ATXN3: variants seen among roughly 807,000 people sequenced by gnomAD.
ATXN3 encodes the protein ataxin-3.
Under a neutral mutation model 58.2 loss-of-function variants are expected in ATXN3, and 28 were observed. That is an observed-to-expected ratio of 0.48 (90% CI 0.36 to 0.66). The LOEUF is 0.66. Ranked by LOEUF, ATXN3 falls within the 30% of genes least tolerant of loss-of-function variation. The pLI is 0.00. For synonymous variants in ATXN3, 113 were observed against 138.5 expected (o/e 0.82, Z 1.29); for missense variants, 321 against 422.1 (o/e 0.76, Z 2.10).
chr14:92,073,586 C>T (rs2059819835), intron 9 of ATXN3: 1 of 152,328 alleles, frequency 6.6e-6, no homozygotes, highest in Non-Finnish European at 1.5e-5. Flanking sequence ...TGCCTGTAAT[C>T]CCAGCACTTT....
At chr14:92,049,731 G>C (rs926794497) in exon 1 of ATXN3, 10 of 154,670 alleles carry the variant, frequency 6.5e-5, no homozygotes, top group African/African-American at 1.9e-4. Context: ...CCTGTCCCGG[G>C]TCTTCAGCAC....
In ATXN3 at chr14:92,083,274, A is replaced by C. The variant is rs769358179; in HGVS notation, c.476-16T>G. 3.1e-6 allele frequency: 5 copies of C among 1,590,822 alleles called. No individual in the cohort carries two copies. In the African/African-American group the frequency reaches 4.1e-5, roughly 13 times the overall value. On this transcript the variant is annotated splice_polypyrimidine_tract_variant and intron_variant, in intron 6 of 10. Transcript: ENST00000644486. ...ATAGAATAACCTAAAAAAAAAAGGC[A>C]AAAATCAACCTAACCAGTTAGTAAA...
intron 10 of ATXN3, among the ~76,000 whole-genome samples, chr14:92,067,108 T>C (rs2058592124): frequency 6.6e-6 from 1 of 151,888 alleles, no homozygotes; most frequent in Non-Finnish European, 1.5e-5. Context: ...AAATGTTGTA[T>C]GTACCCCTTC....
intron 6 of ATXN3, among the ~76,000 whole-genome samples, chr14:92,085,916 A>C (rs17127939): frequency 6.6e-6 from 1 of 152,052 alleles, no homozygotes; most frequent in Admixed American, 6.5e-5. Context: ...TGGTGGGCTG[A>C]AGGCCAAAGG....
intron 10 of ATXN3, among the ~76,000 whole-genome samples, chr14:92,066,024 C>T (rs1340926083): frequency 1.3e-5 from 2 of 151,874 alleles, no homozygotes; most frequent in East Asian, 3.9e-4. Flanking sequence ...AACTCCTGGG[C>T]TCAAGCAATC....
intron 3 of ATXN3, among the ~76,000 whole-genome samples, chr14:92,094,752 G>C (rs567003595): frequency 6.6e-6 from 1 of 152,342 alleles, no homozygotes; most frequent in South Asian, 2.1e-4. Context: ...GTGCAAGGTA[G>C]TGGGCACACA....
intron 10 of ATXN3, among the ~76,000 whole-genome samples, chr14:92,067,255 G>C (rs2140284332): frequency 6.6e-6 from 1 of 152,286 alleles, no homozygotes; most frequent in African/African-American, 2.4e-5. Context: ...GTCTCTGTGT[G>C]AACTTCTTTG....
downstream of ATXN3, among the ~76,000 whole-genome samples, chr14:92,057,069 A>C (rs113147278): frequency 5.3e-4 from 80 of 152,306 alleles, 1 homozygote; most frequent in African/African-American, 1.7e-3. Flanking sequence ...CAATGCCGGG[A>C]AGTTACCCTA....
chr14:92,089,941 T>TA (rs2063413823), intron 5 of ATXN3, among the ~76,000 whole-genome samples: 1 of 152,164 alleles, frequency 6.6e-6, no homozygotes, highest in South Asian at 2.1e-4. Flanking sequence ...TAAAAATCAC[T>TA]AAATTAGCTG....
In ATXN3 at chr14:92,061,440, T is replaced by C. The variant is rs2057773425; in HGVS notation, c.*2880A>G. 1 of 152,200 alleles carries C rather than the reference T, an allele frequency of 6.6e-6. No homozygotes were observed. The highest frequency in any genetic ancestry group is 2.1e-4 in the South Asian group (1 of 4,830). The allele number at this position is 152,200 out of a possible 1,614,324, so 9.4% of individuals were successfully genotyped here. A position where few individuals can be genotyped will look rare whatever the true frequency, so the allele number is the denominator to read the frequency against. ...TTAACTATTCTGAATTTTAAAAACATAAATTACTCATTAAATCCATGACAT... is the reference window on the plus strand; with the variant it reads ...TTAACTATTCTGAATTTTAAAAACACAAATTACTCATTAAATCCATGACAT... On this transcript the variant is annotated 3_prime_UTR_variant, in exon 11 of 11. Coordinates refer to ENST00000644486, the MANE Select transcript of ATXN3 (RefSeq NM_004993.6).
At chr14:92,064,777 A>G (rs1469981497) in intron 10 of ATXN3, among the ~76,000 whole-genome samples, 5 of 152,232 alleles carry the variant, frequency 3.3e-5, no homozygotes, top group African/African-American at 1.2e-4. Context: ...TTCACGTAGC[A>G]TAATGCATTT....
At chr14:92,086,812 A>G in intron 6 of ATXN3, among the ~76,000 whole-genome samples, 1 of 129,610 alleles carries the variant, frequency 7.7e-6, no homozygotes, top group East Asian at 2.4e-4. Flanking sequence ...TTATAGGAAT[A>G]TTACAAAAAA....
intron 3 of ATXN3, 57 bp downstream of exon 3, chr14:92,096,028 TTGAAAGGC>T (rs2141127185): frequency 7.7e-7 from 1 of 1,295,976 alleles, no homozygotes; most frequent in South Asian, 1.2e-5. Flanking sequence ...ACAGTGACTA[TTGAAAGGC>T]TGTGAAACGG....
At chr14:92,077,646 C>T (rs1006271153) in intron 9 of ATXN3, 2 of 135,824 alleles carry the variant, frequency 1.5e-5, no homozygotes, top group African/African-American at 5.9e-5. Flanking sequence ...CCGCGCCCAG[C>T]CTTTTTTTTT....
Position 92,062,260 on chromosome 14 carries a change from A to AAAAAAC in ATXN3, c.*2054_*2059dup, listed in dbSNP as rs1270603756. 6.2e-4 allele frequency: 94 copies of AAAAAAC among 152,312 alleles called. No individual in the cohort carries two copies. Among genetic ancestry groups the AAAAAAC allele is most frequent in the African/African-American group, 2.1e-3 (89 of 41,560 alleles). 9.4% of individuals were successfully genotyped at this position (152,312 alleles called of 1,614,324 possible). The stretch of plus-strand genomic sequence containing the variant: ...AGACATAGCAAGACTCCGTCTCAAA[A>AAAAAAC]AAAAACAAAAACAAAAACAAAAACT... On this transcript the variant is annotated 3_prime_UTR_variant, in exon 11 of 11. Transcript: ENST00000644486.
chr14:92,055,041 C>T (rs571586201), downstream of ATXN3, among the ~76,000 whole-genome samples: 35 of 152,090 alleles, frequency 2.3e-4, no homozygotes, highest in Non-Finnish European at 4.7e-4. This position sits in a 1 kb window ranked among gnomAD's most constrained non-coding sequence, Gnocchi z 4.5. Flanking sequence ...GCCACCACAC[C>T]CGGCTAATTT....
chr14:92,075,283 G>C (rs2060165783), intron 9 of ATXN3, among the ~76,000 whole-genome samples: 2 of 149,756 alleles, frequency 1.3e-5, no homozygotes, highest in Admixed American at 1.4e-4. Flanking sequence ...TCCTGCCTCA[G>C]CCTGCCAAAT....
chr14:92,066,856 G>A (rs369227029), intron 10 of ATXN3, among the ~76,000 whole-genome samples: 5 of 150,948 alleles, frequency 3.3e-5, no homozygotes, highest in East Asian at 3.9e-4. Flanking sequence ...TGCAACCGTC[G>A]CCTCCCAGGT....
chr14:92,067,482 C>T (rs1566912190), intron 10 of ATXN3, among the ~76,000 whole-genome samples: 2 of 152,320 alleles, frequency 1.3e-5, no homozygotes, highest in Admixed American at 6.5e-5. Flanking sequence ...CTGCAACCTC[C>T]GTCTCCCAGG....
Sources: gnomAD v4.1 joint callset for allele counts (sites outside exome capture counted in the v4.1 genomes callset) on GRCh38, gnomAD v4.1.1 for gene constraint, Gnocchi (gnomAD v3.1) non-coding constraint, MANE v1.5 for transcripts, NCBI Gene and HGNC (gene_info 2026-07-23, HGNC 2026-07-21) for gene names.